Variants in SRC observed in about 807,000 individuals in gnomAD.
The protein encoded by SRC is proto-oncogene tyrosine-protein kinase Src.
In SRC, 13 loss-of-function variants were observed where a neutral mutation model predicts 62.9. The ratio of observed to expected loss-of-function variants is 0.21; its 90% CI spans 0.13 to 0.33. The LOEUF is 0.33. SRC is among the 10% of genes least tolerant of loss of function. The pLI is 1.00. For synonymous variants in SRC, 302 were observed against 317.5 expected (o/e 0.95, Z 0.52); for missense variants, 457 against 737.3 (o/e 0.62, Z 4.40).
intron 2 of SRC, among the ~76,000 whole-genome samples, chr20:37,377,715 T>A (rs914962986): frequency 6.6e-5 from 10 of 152,206 alleles, no homozygotes; most frequent in Admixed American, 2.0e-4. Flanking sequence ...GAATATTTTT[T>A]AAAAATTGTC....
rs2070030498 is a variant in SRC, at chr20:37,364,457, G to A, written c.-246-747G>A. ...ACCAACTGTCCCTCCTCCTTGTGGG[G>A]CCCCTGGTTTATTTGGCCTCTGTGT... On this transcript the variant is annotated intron_variant, in intron 1 of 13. Transcript: ENST00000373578. Among the ~76,000 whole-genome samples, 2 of 152,284 alleles carry A rather than the reference G, an allele frequency of 1.3e-5. 1 individual carries two copies. Among genetic ancestry groups the A allele is most frequent in the Admixed American group, 1.3e-4 (2 of 15,302 alleles).
At chr20:37,367,597 C>A (rs2070084016) in intron 2 of SRC, among the ~76,000 whole-genome samples, 1 of 152,022 alleles carries the variant, frequency 6.6e-6, no homozygotes, top group Non-Finnish European at 1.5e-5. Context: ...GCCTCAGCCT[C>A]CCAAGTACCT....
At position 37,402,002 on chromosome 20, in the gene SRC, C is replaced by CA. The variant is rs796463648; in HGVS notation, c.1116+324_1116+325insA. 2 of 301,494 alleles carry CA rather than the reference C, an allele frequency of 6.6e-6. No homozygotes were observed. The highest frequency in any genetic ancestry group is 8.7e-4 in the Middle Eastern group (1 of 1,144). The allele number at this position is 301,494 out of a possible 1,614,324, so 18.7% of individuals were successfully genotyped here. Reference sequence around the variant, plus strand: ...TTGCTGTAGGCAGTGGTCAACAAGCCTTTTTTTTTTTCATTTAATCCTCAT... The same window carrying CA: ...TTGCTGTAGGCAGTGGTCAACAAGCCATTTTTTTTTTTCATTTAATCCTCAT... On this transcript the variant is annotated intron_variant, in intron 11 of 13. Transcript: ENST00000373578. This position sits in a 1 kb window ranked among gnomAD's most constrained non-coding sequence, Gnocchi z 6.2.
intron 2 of SRC, among the ~76,000 whole-genome samples, chr20:37,382,298 A>T (rs1175581175): frequency 6.6e-6 from 1 of 152,210 alleles, no homozygotes; most frequent in Non-Finnish European, 1.5e-5. Context: ...ACAGATGAGG[A>T]AACGGCACAG....
chr20:37,375,649 A>G (rs1275108587), intron 2 of SRC, among the ~76,000 whole-genome samples: 1 of 152,194 alleles, frequency 6.6e-6, no homozygotes, highest in African/African-American at 2.4e-5. Flanking sequence ...TGCTGGGATT[A>G]CAGGTGTGAG....
Position 37,402,774 on chromosome 20 carries a change from G to A in SRC, c.1296G>A (p.Thr432=), listed in dbSNP as rs888457412. 12 of 1,613,126 alleles carry A rather than the reference G, an allele frequency of 7.4e-6. No individual in the cohort carries two copies. The highest frequency in any genetic ancestry group is 9.3e-6 in the Non-Finnish European group (11 of 1,179,548). Residue 432 remains threonine, a synonymous_variant, in exon 13 of 14, where the codon ACG becomes ACA. Coordinates refer to ENST00000373578, the MANE Select transcript of SRC (RefSeq NM_198291.3). This position sits in a 1 kb window ranked among gnomAD's most constrained non-coding sequence, Gnocchi z 6.2. Reference sequence around the variant, plus strand: ...GTGCCAAATTCCCCATCAAGTGGACGGCTCCAGAAGCTGCCCTCTATGGCC... The same window carrying A: ...GTGCCAAATTCCCCATCAAGTGGACAGCTCCAGAAGCTGCCCTCTATGGCC... ...RQGAKFPIKW[T]APEAALYGRF... is the part of the protein sequence containing the mutation.
At chr20:37,374,148 C>T (rs1031069561) in intron 2 of SRC, among the ~76,000 whole-genome samples, 15 of 148,880 alleles carry the variant, frequency 1.0e-4, no homozygotes, top group Admixed American at 5.4e-4. Context: ...GGCATTATCT[C>T]GGCTCACTGC....
chr20:37,345,715 A>G (rs2069706160), upstream of SRC, among the ~76,000 whole-genome samples: 1 of 152,146 alleles, frequency 6.6e-6, no homozygotes, highest in African/African-American at 2.4e-5. Flanking sequence ...CGACCTGAGC[A>G]GCTTAGCATG....
chr20:37,403,604 T>C lies in SRC; in HGVS notation c.*225T>C, dbSNP rs2070778147. 1.7e-6 allele frequency: 1 copy of C among 578,274 alleles called. No homozygotes were observed. The allele number at this position is 578,274 out of a possible 1,614,324, so 35.8% of individuals were successfully genotyped here. A position where few individuals can be genotyped will look rare whatever the true frequency, so the allele number is the denominator to read the frequency against. On this transcript the variant is annotated 3_prime_UTR_variant, in exon 14 of 14. Transcript: ENST00000373578. The surrounding 1 kb of genome is among the most constrained non-coding windows in gnomAD (Gnocchi z 7.1). ...GACCAGCACGGTGACTCTGTCCAGC[T>C]CCCGCTGTGGCCGCACGCCTCTCCC...
rs1267253742 is a variant in SRC, at chr20:37,396,561, C to T, written c.703+250C>T. ...CCTGCTCCACGCAGTGTCCCACTGC[C>T]CGCCTTTCTCTGCAGCTGGCTGGTA... On this transcript the variant is annotated intron_variant, in intron 8 of 13. Transcript: ENST00000373578. This position sits in a 1 kb window ranked among gnomAD's most constrained non-coding sequence, Gnocchi z 6.1. 5 of 563,092 alleles carry T rather than the reference C, an allele frequency of 8.9e-6. No homozygotes were observed. The East Asian group carries it at 1.5e-4, about 17-fold the overall frequency. The allele number at this position is 563,092 out of a possible 1,614,324, so 34.9% of individuals were successfully genotyped here. A position where few individuals can be genotyped will look rare whatever the true frequency, so the allele number is the denominator to read the frequency against.
chr20:37,400,870 C>A (rs980083701), intron 10 of SRC, among the ~76,000 whole-genome samples: 2 of 152,258 alleles, frequency 1.3e-5, no homozygotes, highest in African/African-American at 4.8e-5. Context: ...CAGACAGTAC[C>A]CTCCAGCCCC....
chr20:37,394,022 C>G, intron 6 of SRC, 29 bp downstream of exon 6: 2 of 1,605,736 alleles, frequency 1.2e-6, no homozygotes, highest in Non-Finnish European at 1.7e-6. Context: ...TGCCTCTACC[C>G]GTCGTCCCTG....
Position 37,397,234 on chromosome 20 carries a change from G to T in SRC, c.704-465G>T, listed in dbSNP as rs2070667147. Reference sequence around the variant, plus strand: ...CTTTGCTCTGGCTGTGCCCCTGCCTGGAGGGCTCTTCCCTACTTAACCCCT... The same window carrying T: ...CTTTGCTCTGGCTGTGCCCCTGCCTTGAGGGCTCTTCCCTACTTAACCCCT... On this transcript the variant is annotated intron_variant, in intron 8 of 13. Coordinates refer to ENST00000373578, the MANE Select transcript of SRC (RefSeq NM_198291.3). The surrounding 1 kb of genome is among the most constrained non-coding windows in gnomAD (Gnocchi z 4.1). Among the ~76,000 whole-genome samples, 1 of 152,116 alleles carries T rather than the reference G, an allele frequency of 6.6e-6. No homozygotes were observed. The highest frequency in any genetic ancestry group is 2.4e-5 in the African/African-American group (1 of 41,416).
intron 5 of SRC, chr20:37,386,611 C>A: frequency 1.5e-6 from 1 of 663,052 alleles, no homozygotes. Context: ...CCAGCTTCTC[C>A]CCTCCCCCCT....
At chr20:37,388,459 ATGG>A (rs1266191562) in intron 5 of SRC, among the ~76,000 whole-genome samples, 11 of 152,178 alleles carry the variant, frequency 7.2e-5, no homozygotes, top group African/African-American at 1.9e-4. Flanking sequence ...GACGTCAGAG[ATGG>A]TGGCTGAGCG....
At chr20:37,392,975 C>T (rs1312332490) in intron 5 of SRC, among the ~76,000 whole-genome samples, 7 of 152,196 alleles carry the variant, frequency 4.6e-5, no homozygotes, top group Non-Finnish European at 8.8e-5. Context: ...TCTGGACCCC[C>T]GCTCCAGCCA....
intron 2 of SRC, among the ~76,000 whole-genome samples, chr20:37,378,048 GT>G (rs200072738): frequency 2.1e-5 from 3 of 144,766 alleles, no homozygotes; most frequent in African/African-American, 7.7e-5. Context: ...TACTCTTTTA[GT>G]TTTTTTTAAA....
chr20:37,345,875 G>A (rs993497148), upstream of SRC, among the ~76,000 whole-genome samples: 4 of 152,160 alleles, frequency 2.6e-5, no homozygotes, highest in Admixed American at 2.0e-4. Flanking sequence ...GCGGCGCCCT[G>A]GCGGAGTGGG....
rs2070757633 is a variant in SRC at position 37,402,661 on chromosome 20, T to C, written c.1270+73T>C. ...CGTCCCGCTCTGAGCCCCAGTTTTT[T>C]CCTCAGCTGTCATTCCTCATGGTGC... On this transcript the variant is annotated intron_variant, in intron 12 of 13. Coordinates refer to ENST00000373578, the MANE Select transcript of SRC (RefSeq NM_198291.3). This position sits in a 1 kb window ranked among gnomAD's most constrained non-coding sequence, Gnocchi z 6.2. 2.5e-6 allele frequency: 4 copies of C among 1,569,842 alleles called. No homozygotes were observed. Among genetic ancestry groups the C allele is most frequent in the Non-Finnish European group, 3.5e-6 (4 of 1,155,274 alleles).
Sources: gnomAD v4.1 joint callset for allele counts (sites outside exome capture counted in the v4.1 genomes callset) on GRCh38, gnomAD v4.1.1 for gene constraint, Gnocchi (gnomAD v3.1) non-coding constraint, MANE v1.5 for transcripts, NCBI Gene and HGNC (gene_info 2026-07-23, HGNC 2026-07-21) for gene names.